The following FRY variants were observed in gnomAD, a reference collection of about 807,000 sequenced individuals.
The protein encoded by FRY is protein furry homolog.
A neutral mutation model predicts 348.4 loss-of-function variants in FRY; 128 were observed. The observed-to-expected ratio is 0.37, with a 90% CI of 0.32 to 0.43. The LOEUF (loss-of-function observed/expected upper bound fraction) is 0.43. FRY is among the 20% of genes least tolerant of loss of function. FRY has a pLI of 1.00. For missense variants in FRY, 2,736 were observed against 3,695.2 expected, an observed-to-expected ratio of 0.74 and a Z score of 6.73; for synonymous variants, 1,370 against 1,374.7, an observed-to-expected ratio of 1.00 and a Z score of 0.08.
chr13:32,181,451 A>G (rs942107039), intron 23 of FRY, among the ~76,000 whole-genome samples: 1 of 151,022 alleles, frequency 6.6e-6, no homozygotes. Flanking sequence ...AAAATTAGCC[A>G]GGCGTGATGG....
At chr13:32,144,838 T>C (rs1466191148) in intron 11 of FRY, among the ~76,000 whole-genome samples, 1 of 152,198 alleles carries the variant, frequency 6.6e-6, no homozygotes, top group Non-Finnish European at 1.5e-5. Context: ...AACTGATGTT[T>C]AAACAAGATC....
intron 29 of FRY, 126 bp from the exon 30 acceptor site, chr13:32,201,815 C>CG (rs778058807): frequency 2.9e-6 from 2 of 691,900 alleles, no homozygotes; most frequent in African/African-American, 3.5e-5. Context: ...AATGGCCAGA[C>CG]GGGGGTAAGA....
At chr13:32,173,634 T>A (rs1882217833) in intron 19 of FRY, 85 bp downstream of exon 19, 1 of 965,060 alleles carries the variant, frequency 1.0e-6, no homozygotes, top group African/African-American at 1.6e-5. Context: ...GATGCATTAC[T>A]ATTTCAGGTA....
chr13:32,053,730 T>G (rs1258325227), intron 1 of FRY, among the ~76,000 whole-genome samples: 1 of 152,214 alleles, frequency 6.6e-6, no homozygotes, highest in East Asian at 1.9e-4. Flanking sequence ...CTCAAAAATA[T>G]AATCAACTCA....
intron 46 of FRY, among the ~76,000 whole-genome samples, chr13:32,241,627 G>T (rs1186088786): frequency 1.3e-5 from 2 of 152,172 alleles, no homozygotes; most frequent in African/African-American, 4.8e-5. Context: ...CAGGTGGAAA[G>T]AATTTGTGAA....
chr13:32,169,494 T>C (rs1397465811), intron 17 of FRY, among the ~76,000 whole-genome samples: 1 of 152,200 alleles, frequency 6.6e-6, no homozygotes, highest in Non-Finnish European at 1.5e-5. Flanking sequence ...GGCTTAGAGA[T>C]TAAGTGACTA....
intron 1 of FRY, among the ~76,000 whole-genome samples, chr13:32,072,201 T>C (rs1203596696): frequency 6.6e-6 from 1 of 152,220 alleles, no homozygotes; most frequent in Non-Finnish European, 1.5e-5. Flanking sequence ...AGGAGGAATG[T>C]ATATAATCCA....
chr13:32,066,572 C>G (rs1874273937), intron 1 of FRY, among the ~76,000 whole-genome samples: 1 of 152,212 alleles, frequency 6.6e-6, no homozygotes, highest in Admixed American at 6.5e-5. Flanking sequence ...ATCATCATAA[C>G]AAGTGCAGGT....
In FRY at chr13:32,265,627, C is replaced by T. The variant is rs367685470; in HGVS notation, c.7946+11C>T. ...GTTTACCCTGGCGAGGTAATGGAGC[C>T]CTTGGCTGATGTGAGTGGTGTGAAT... is the stretch of plus-strand genomic sequence containing the variant. On this transcript the variant is annotated intron_variant, in intron 54 of 60. Transcript: ENST00000542859. 3.1e-6 allele frequency: 5 copies of T among 1,612,788 alleles called. No individual in the cohort carries two copies. The highest frequency in any genetic ancestry group is 4.2e-6 in the Non-Finnish European group (5 of 1,179,360).
At chr13:32,111,913 G>A (rs1356628854) in intron 3 of FRY, among the ~76,000 whole-genome samples, 1 of 152,222 alleles carries the variant, frequency 6.6e-6, no homozygotes, top group East Asian at 1.9e-4. Context: ...CAGGGAGCCA[G>A]ATGTTTGCTA....
At position 32,209,659 on chromosome 13, in the gene FRY, C is replaced by T. The variant is rs1312329785; in HGVS notation, c.4350C>T (p.Asn1450=). Residue 1450 remains asparagine (N), a synonymous_variant, in exon 33 of 61, where the codon AAC becomes AAT. Coordinates refer to ENST00000542859, the MANE Select transcript of FRY (RefSeq NM_023037.3). The part of the protein sequence containing the change: ...NALANNEKWS[N]NLRITLQFLI... Reference sequence around the variant, plus strand: ...TAGCCAACAATGAGAAATGGAGCAACAACCTGAGGATCACCTTGCAGTTCC... The same window carrying T: ...TAGCCAACAATGAGAAATGGAGCAATAACCTGAGGATCACCTTGCAGTTCC... 2 of 1,613,936 alleles carry T rather than the reference C, an allele frequency of 1.2e-6. No individual in the cohort carries two copies. Among genetic ancestry groups the T allele is most frequent in the Admixed American group, 1.7e-5 (1 of 60,016 alleles).
chr13:32,226,288 C>G (rs1044536075), intron 39 of FRY, among the ~76,000 whole-genome samples: 1 of 152,090 alleles, frequency 6.6e-6, no homozygotes, highest in Non-Finnish European at 1.5e-5. Context: ...TCTAGAACAC[C>G]GAAGGATGAG....
At chr13:32,262,522 T>TAA (rs547207428) in intron 53 of FRY, 47 bp downstream of exon 53, 14 of 1,426,582 alleles carry the variant, frequency 9.8e-6, no homozygotes, top group African/African-American at 1.4e-5. Flanking sequence ...TTAAAACCCT[T>TAA]AAAAAAAAAC....
chr13:32,206,747 G>A (rs574091051), intron 31 of FRY, among the ~76,000 whole-genome samples: 9 of 152,282 alleles, frequency 5.9e-5, no homozygotes, highest in African/African-American at 2.2e-4. Context: ...TAGCTTAGGG[G>A]AAATTACTTT....
intron 28 of FRY, among the ~76,000 whole-genome samples, chr13:32,193,075 T>C (rs945147723): frequency 9.9e-5 from 15 of 151,602 alleles, no homozygotes; most frequent in East Asian, 3.9e-4. Context: ...AAGTAACATA[T>C]GTAACCTCTA....
intron 1 of FRY, among the ~76,000 whole-genome samples, chr13:32,066,082 C>T (rs562902004): frequency 7.0e-4 from 106 of 152,302 alleles, no homozygotes; most frequent in African/African-American, 2.1e-3. Context: ...AGTCCATACT[C>T]AAGTTTTTTA....
At chr13:32,284,740 A>G (rs1433793966) in intron 58 of FRY, among the ~76,000 whole-genome samples, 1 of 152,254 alleles carries the variant, frequency 6.6e-6, no homozygotes. Context: ...TTTAAATTTT[A>G]TCTCATTAAT....
intron 14 of FRY, among the ~76,000 whole-genome samples, chr13:32,150,292 G>A (rs973948887): frequency 3.3e-5 from 5 of 152,172 alleles, no homozygotes; most frequent in Admixed American, 6.5e-5. Flanking sequence ...CCAACTCCAG[G>A]GCAGGCAGAT....
chr13:32,131,979 CTTTG>C lies in FRY; in HGVS notation c.885+141_885+144del. 3 of 748,466 alleles carry C rather than the reference CTTTG, an allele frequency of 4.0e-6. No homozygotes were observed. The South Asian group carries it at 4.4e-5, about 11-fold the overall frequency. 46.4% of individuals were successfully genotyped at this position (748,466 alleles called of 1,614,324 possible). ...TACTGTCTAAATAATTCATGAAGTC[CTTTG>C]TAACCAAATAGTACAGTTGCGGGCA... On this transcript the variant is annotated intron_variant, in intron 8 of 60. Coordinates refer to ENST00000542859, the MANE Select transcript of FRY (RefSeq NM_023037.3).
Sources: gnomAD v4.1 joint callset for allele counts (sites outside exome capture counted in the v4.1 genomes callset) on GRCh38, gnomAD v4.1.1 for gene constraint, MANE v1.5 for transcripts, NCBI Gene and HGNC (gene_info 2026-07-23, HGNC 2026-07-21) for gene names.